NFIC: variants seen among roughly 807,000 people sequenced by gnomAD.
The protein encoded by NFIC is nuclear factor 1 C-type.
Under a neutral mutation model 54.4 loss-of-function variants are expected in NFIC, and 12 were observed. That is an observed-to-expected ratio of 0.22 (90% CI 0.14 to 0.36). The LOEUF (loss-of-function observed/expected upper bound fraction) is 0.36, where lower values mean the gene tolerates loss of function less well. NFIC is among the 10% of genes least tolerant of loss of function. The pLI is 1.00. For missense variants in NFIC, 575 were observed against 718.2 expected (o/e 0.80, Z 2.28); for synonymous variants, 322 against 319.2 (o/e 1.01, Z -0.09).
chr19:3,446,200 T>C (rs532441959), intron 6 of NFIC, among the ~76,000 whole-genome samples: 138 of 152,284 alleles, frequency 9.1e-4, no homozygotes, highest in Non-Finnish European at 1.5e-3. Flanking sequence ...TCACCTCCTC[T>C]CTCCCTCCTC....
intron 2 of NFIC, among the ~76,000 whole-genome samples, chr19:3,390,915 A>G (rs903612989): frequency 6.6e-6 from 1 of 152,102 alleles, no homozygotes; most frequent in Non-Finnish European, 1.5e-5. Context: ...CAGTTTGGGA[A>G]GATGAGAAGG....
In NFIC at chr19:3,465,692, CTGAT is replaced by C. The variant is rs930685881; in HGVS notation, c.*2926_*2929del. The C allele has an allele frequency of 3.9e-5, 6 of 152,260 alleles. No individual in the cohort carries two copies. The highest frequency in any genetic ancestry group is 1.2e-4 in the African/African-American group (5 of 41,450). The allele number at this position is 152,260 out of a possible 1,614,324, so 9.4% of individuals were successfully genotyped here. On this transcript the variant is annotated 3_prime_UTR_variant, in exon 11 of 11. Coordinates refer to ENST00000443272, the MANE Select transcript of NFIC (RefSeq NM_001245002.2). ...TGGCCCTGGGAAAGGGCTCTCCTCTCTGATTGGTCCCTAGGCCACGGGCCGGCCC... is the reference window on the plus strand; with the variant it reads ...TGGCCCTGGGAAAGGGCTCTCCTCTCTGGTCCCTAGGCCACGGGCCGGCCC...
intron 3 of NFIC, among the ~76,000 whole-genome samples, chr19:3,429,555 C>T (rs998288645): frequency 6.6e-6 from 1 of 152,170 alleles, no homozygotes; most frequent in Non-Finnish European, 1.5e-5. Context: ...TGCACCGCTG[C>T]ACTCGAGCCT....
At chr19:3,368,617 G>A (rs944355237) in intron 1 of NFIC, among the ~76,000 whole-genome samples, 4 of 152,172 alleles carry the variant, frequency 2.6e-5, no homozygotes, top group African/African-American at 7.2e-5. Context: ...CCTCCCCTGC[G>A]ATTCTCCTCT....
At position 3,452,545 on chromosome 19, in the gene NFIC, A is replaced by C. The variant is rs767525600; in HGVS notation, c.1148A>C (p.Gln383Pro). Residue 383 changes from glutamine (Q) to proline (P), a missense_variant, in exon 8 of 11, where the codon CAG (glutamine) becomes CCG (proline). Physicochemically the swap from Gln to Pro is moderately conservative, Grantham distance 76 (BLOSUM62 -1). Coordinates refer to ENST00000443272, the MANE Select transcript of NFIC (RefSeq NM_001245002.2). The surrounding 1 kb of genome is among the most constrained non-coding windows in gnomAD (Gnocchi z 5.3). ...LHFPTTSILPQTASTYFPHTA... is the reference protein window; with the variant it reads ...LHFPTTSILPPTASTYFPHTA... ...TTCCCTACGACGTCCATCCTACCCC[A>C]GACGGCCTCCACCTACTTCCCCCAC... The C allele has an allele frequency of 1.9e-6, 3 of 1,613,592 alleles. No homozygotes were observed. Among genetic ancestry groups the C allele is most frequent in the South Asian group, 1.1e-5 (1 of 91,066 alleles).
At chr19:3,433,405 CAG>C (rs2082151674) in intron 3 of NFIC, 111 bp from the exon 4 acceptor site, 3 of 1,064,528 alleles carry the variant, frequency 2.8e-6, no homozygotes, top group Non-Finnish European at 4.2e-6. Flanking sequence ...ACAGGATGGA[CAG>C]GGGGAACGTC....
intron 1 of NFIC, among the ~76,000 whole-genome samples, chr19:3,380,306 G>GT (rs1271994457): frequency 1.1e-5 from 1 of 88,940 alleles, no homozygotes; most frequent in African/African-American, 5.3e-5. Flanking sequence ...GCCCAGCCTT[G>GT]TTCTTTTTTT....
intron 3 of NFIC, among the ~76,000 whole-genome samples, chr19:3,427,724 G>GGTCA (rs1311917106): frequency 6.6e-6 from 1 of 151,432 alleles, no homozygotes; most frequent in Non-Finnish European, 1.5e-5. Flanking sequence ...CTAGTCGGGA[G>GGTCA]GCTGAGGCAG....
At position 3,381,767 on chromosome 19, in the gene NFIC, A is replaced by G. The variant is rs1384570120; in HGVS notation, c.86A>G (p.Tyr29Cys). The G allele has an allele frequency of 6.2e-7, 1 of 1,613,886 alleles. No homozygotes were observed. The highest frequency in any genetic ancestry group is 1.1e-5 in the South Asian group (1 of 91,086). ...CTGCCTCACGTCCGCGCCTTCGCCT[A>G]CACCTGGTTCAACCTGCAGGCGCGG... is the stretch of plus-strand genomic sequence containing the variant. Reference protein sequence around the residue: ...ALLPHVRAFAYTWFNLQARKR... With the variant: ...ALLPHVRAFACTWFNLQARKR... Residue 29 changes from tyrosine (Y) to cysteine (C), a missense_variant, in exon 2 of 11, where the codon TAC becomes TGC. Around this residue, in one of 3 missense-constraint regions of NFIC, gnomAD observed 122 missense variants for 158.0 expected, o/e 0.77. Coordinates refer to ENST00000443272, the MANE Select transcript of NFIC (RefSeq NM_001245002.2).
chr19:3,443,617 G>T (rs763877955), intron 6 of NFIC, among the ~76,000 whole-genome samples: 1 of 151,862 alleles, frequency 6.6e-6, no homozygotes, highest in African/African-American at 2.4e-5. Flanking sequence ...ATCATGGGAC[G>T]CAGAGGATCA....
intron 2 of NFIC, among the ~76,000 whole-genome samples, chr19:3,391,164 C>T (rs1381001328): frequency 4.0e-5 from 6 of 151,870 alleles, no homozygotes; most frequent in South Asian, 2.1e-4. Flanking sequence ...GCAGGAGGAT[C>T]GCTTGAGCCC....
At chr19:3,437,763 C>G (rs1400266870) in intron 6 of NFIC, among the ~76,000 whole-genome samples, 1 of 151,396 alleles carries the variant, frequency 6.6e-6, no homozygotes, top group Non-Finnish European at 1.5e-5. Flanking sequence ...AATCTCGGCT[C>G]CACCTCCTGG....
intron 3 of NFIC, 93 bp downstream of exon 3, chr19:3,425,270 T>C: frequency 7.1e-7 from 1 of 1,405,950 alleles, no homozygotes; most frequent in Non-Finnish European, 9.6e-7. Flanking sequence ...ACCACTCGTT[T>C]TACAGATGAG....
In NFIC at chr19:3,466,692, T is replaced by C. The variant is rs2121988728; in HGVS notation, c.*3923T>C. The stretch of plus-strand genomic sequence containing the variant: ...TTTTTCTGCCCCACTCCTGAGCAAA[T>C]CTGTCTTGCCAAGGAACTAGGAGCA... On this transcript the variant is annotated 3_prime_UTR_variant, in exon 11 of 11. Coordinates refer to ENST00000443272, the MANE Select transcript of NFIC (RefSeq NM_001245002.2). The surrounding 1 kb of genome is among the most constrained non-coding windows in gnomAD (Gnocchi z 4.8). 6.6e-6 allele frequency: 1 copy of C among 151,200 alleles called. No individual in the cohort carries two copies. The highest frequency in any genetic ancestry group is 2.1e-4 in the South Asian group (1 of 4,796). The allele number at this position is 151,200 out of a possible 1,614,324, so 9.4% of individuals were successfully genotyped here. A position where few individuals can be genotyped will look rare whatever the true frequency, so the allele number is the denominator to read the frequency against.
Position 3,372,157 on chromosome 19 carries a change from A to T in NFIC, c.30+5491A>T, listed in dbSNP as rs181545622. Among the ~76,000 whole-genome samples the T allele has an allele frequency of 2.2e-3, 329 of 151,868 alleles. 2 individuals carry two copies. Among genetic ancestry groups the T allele is most frequent in the African/African-American group, 7.4e-3 (308 of 41,396 alleles). ...TACCTCAGCCTCCCAAGTAGCTGGAATTACAGGCACGTGCCACCACGCCTG... is the reference window on the plus strand; with the variant it reads ...TACCTCAGCCTCCCAAGTAGCTGGATTTACAGGCACGTGCCACCACGCCTG... On this transcript the variant is annotated intron_variant, in intron 1 of 10. Coordinates refer to ENST00000443272, the MANE Select transcript of NFIC (RefSeq NM_001245002.2).
chr19:3,460,806 G>A (rs1015813626), intron 10 of NFIC, among the ~76,000 whole-genome samples: 8 of 151,936 alleles, frequency 5.3e-5, no homozygotes, highest in African/African-American at 1.9e-4. Flanking sequence ...GAGCCACCGA[G>A]CCCAGCCTCT....
chr19:3,464,154 C>T lies in NFIC; in HGVS notation c.*1385C>T, dbSNP rs1208134914. ...GGTGCCTCCCAGCGAAGGGGGACCG[C>T]CGTTTGCACTTTCATCGCCTACCCC... On this transcript the variant is annotated 3_prime_UTR_variant, in exon 11 of 11. Transcript: ENST00000443272. 2.0e-6 allele frequency: 2 copies of T among 985,246 alleles called. No individual in the cohort carries two copies. The highest frequency in any genetic ancestry group is 2.4e-6 in the Non-Finnish European group (2 of 829,918). The allele number at this position is 985,246 out of a possible 1,614,324, so 61.0% of individuals were successfully genotyped here. A position where few individuals can be genotyped will look rare whatever the true frequency, so the allele number is the denominator to read the frequency against.
At chr19:3,454,850 C>A (rs2082527792) in intron 9 of NFIC, among the ~76,000 whole-genome samples, 2 of 152,090 alleles carry the variant, frequency 1.3e-5, no homozygotes, top group East Asian at 3.9e-4. Context: ...CGTTCCTGTC[C>A]CCGTCCCCAC....
chr19:3,367,528 G>A (rs1317804750), intron 1 of NFIC, among the ~76,000 whole-genome samples: 1 of 152,070 alleles, frequency 6.6e-6, no homozygotes, highest in African/African-American at 2.4e-5. Flanking sequence ...CGCACTCCCA[G>A]ACTGCCCCGG....
Sources: gnomAD v4.1 joint callset for allele counts (sites outside exome capture counted in the v4.1 genomes callset) on GRCh38, gnomAD v4.1.1 for gene constraint, gnomAD v4.1.1 regional missense constraint, Gnocchi (gnomAD v3.1) non-coding constraint, MANE v1.5 for transcripts, NCBI Gene and HGNC (gene_info 2026-07-23, HGNC 2026-07-21) for gene names.